Variants in ARAP2 observed in about 807,000 individuals in gnomAD.
ARAP2 encodes arf-GAP with Rho-GAP domain, ANK repeat and PH domain-containing protein 2.
Under a neutral mutation model 194.5 loss-of-function variants are expected in ARAP2, and 148 were observed. That is an observed-to-expected ratio of 0.76 (90% CI 0.67 to 0.87). The LOEUF (loss-of-function observed/expected upper bound fraction) is 0.87, where lower values mean the gene tolerates loss of function less well. Ranked by LOEUF, ARAP2 falls within the 40% of genes least tolerant of loss-of-function variation. The pLI is 0.00. For synonymous variants in ARAP2, 695 were observed against 683.5 expected (o/e 1.02, Z -0.26); for missense variants, 2,128 against 1,989.7 (o/e 1.07, Z -1.32).
At chr4:36,128,511 CA>C in intron 21 of ARAP2, 21 bp downstream of exon 21, 1 of 1,389,236 alleles carries the variant, frequency 7.2e-7, no homozygotes, top group East Asian at 2.3e-5. Flanking sequence ...CACATATCTA[CA>C]AATATCTGTA....
chr4:36,025,757 C>A (rs188680272), intron 5 of ARAP2, among the ~76,000 whole-genome samples: 2 of 151,094 alleles, frequency 1.3e-5, no homozygotes, highest in East Asian at 3.9e-4. Flanking sequence ...AATGGTATCA[C>A]GTAAAATGGT....
At chr4:36,079,457 A>G (rs1729015889) in intron 31 of ARAP2, among the ~76,000 whole-genome samples, 1 of 152,162 alleles carries the variant, frequency 6.6e-6, no homozygotes, top group African/African-American at 2.4e-5. Context: ...CCTCAGTAAT[A>G]AAGAATGGCA....
chr4:36,097,901 T>C lies in ARAP2; in HGVS notation c.4286-5881A>G, dbSNP rs10018858. On this transcript the variant is annotated intron_variant, in intron 27 of 32. Coordinates refer to ENST00000303965, the MANE Select transcript of ARAP2 (RefSeq NM_015230.4). ...AAAACTGCGGGTAACAAAACAAACA[T>C]GTATTGTAAGTTATACTGAGCTATC... Among the ~76,000 whole-genome samples, 519 of 152,118 alleles carry C rather than the reference T, an allele frequency of 3.4e-3. 4 individuals are homozygous for C. Among genetic ancestry groups the C allele is most frequent in the African/African-American group, 0.012 (491 of 41,530 alleles).
At chr4:36,021,613 C>T (rs1403490267) in intron 5 of ARAP2, among the ~76,000 whole-genome samples, 6 of 152,138 alleles carry the variant, frequency 3.9e-5, no homozygotes, top group Non-Finnish European at 8.8e-5. Context: ...AAGTGGATGC[C>T]GCTAGGCTTC....
At chr4:36,163,320 A>T (rs1734522115) in intron 11 of ARAP2, among the ~76,000 whole-genome samples, 1 of 152,178 alleles carries the variant, frequency 6.6e-6, no homozygotes, top group African/African-American at 2.4e-5. Context: ...CTGAGAGAGG[A>T]TGGATGTCAT....
At chr4:36,049,370 C>T (rs963587510) in intron 3 of ARAP2, among the ~76,000 whole-genome samples, 4 of 152,132 alleles carry the variant, frequency 2.6e-5, no homozygotes, top group Admixed American at 6.5e-5. Flanking sequence ...CAAAACTCTA[C>T]AGCAGGTGGC....
At chr4:36,161,441 C>CCATTCAG in intron 12 of ARAP2, 24 bp downstream of exon 12, 7 of 1,594,196 alleles carry the variant, frequency 4.4e-6, no homozygotes, top group Non-Finnish European at 6.0e-6. Flanking sequence ...TATCACAACC[C>CCATTCAG]CATTCAGGTT....
chr4:36,135,008 T>C (rs1305515099), intron 19 of ARAP2, among the ~76,000 whole-genome samples: 1 of 151,756 alleles, frequency 6.6e-6, no homozygotes, highest in Non-Finnish European at 1.5e-5. Flanking sequence ...AAAGAAAGTA[T>C]TTCAGTATCT....
At chr4:36,167,221 T>C (rs972402133) in intron 9 of ARAP2, among the ~76,000 whole-genome samples, 174 bp from the exon 10 acceptor site, 1 of 152,128 alleles carries the variant, frequency 6.6e-6, no homozygotes, top group African/African-American at 2.4e-5. Context: ...AGCTTGACAG[T>C]TGGACTATTG....
At position 36,018,467 on chromosome 4, in the gene ARAP2, C is replaced by T. The variant is rs900055693; in HGVS notation, n.750+677G>A. On this transcript the variant is annotated intron_variant and non_coding_transcript_variant, in intron 6 of 12. Coordinates refer to the ARAP2 transcript ENST00000503225. ...TATCTCAAAAAAAAAAAAAAAAACT[C>T]AGCTGAAATGTAAAATGTATGTTTA... is the stretch of plus-strand genomic sequence containing the variant. 4.1e-5 allele frequency among the ~76,000 whole-genome samples: 6 copies of T among 146,440 alleles called. 1 individual carries two copies. Among genetic ancestry groups the T allele is most frequent in the African/African-American group, 1.0e-4 (4 of 39,816 alleles).
intron 20 of ARAP2, among the ~76,000 whole-genome samples, chr4:36,130,041 A>C (rs977681604): frequency 3.3e-5 from 5 of 151,766 alleles, no homozygotes; most frequent in African/African-American, 1.2e-4. Context: ...CACATTAAAA[A>C]CAAAAAATGC....
chr4:36,099,642 ATCT>A (rs1203058190), intron 27 of ARAP2, among the ~76,000 whole-genome samples: 4 of 152,124 alleles, frequency 2.6e-5, no homozygotes, highest in Non-Finnish European at 5.9e-5. Context: ...GTAGACTTAA[ATCT>A]TCTTCAATCT....
chr4:36,014,334 G>GAA (rs984786464), intron 8 of ARAP2, among the ~76,000 whole-genome samples: 1 of 78,960 alleles, frequency 1.3e-5, no homozygotes, highest in African/African-American at 4.6e-5. Flanking sequence ...GAGAAAGAAA[G>GAA]AAAGAAAGAA....
intron 7 of ARAP2, among the ~76,000 whole-genome samples, chr4:36,193,038 C>T (rs1742288539): frequency 6.6e-6 from 1 of 152,106 alleles, no homozygotes; most frequent in Non-Finnish European, 1.5e-5. Flanking sequence ...AAATATTCAT[C>T]CAACCATCTT....
At chr4:36,105,027 G>C (rs1718004001) in intron 27 of ARAP2, among the ~76,000 whole-genome samples, 1 of 151,964 alleles carries the variant, frequency 6.6e-6, no homozygotes, top group African/African-American at 2.4e-5. Context: ...GTGGGTAAGA[G>C]AGTGACACAG....
At chr4:36,083,979 T>C (rs1730233244) in intron 28 of ARAP2, among the ~76,000 whole-genome samples, 1 of 152,170 alleles carries the variant, frequency 6.6e-6, no homozygotes, top group Admixed American at 6.6e-5. Flanking sequence ...CTGTGCTGGA[T>C]GCTTCCTGCC....
rs141332685 is a variant in ARAP2, at chr4:36,167,074, T to G, written c.1858-27A>C. The G allele has an allele frequency of 2.7e-4, 346 of 1,268,132 alleles. No homozygotes were observed. The African/African-American group carries it at 4.6e-3, about 17-fold the overall frequency. 78.6% of individuals were successfully genotyped at this position (1,268,132 alleles called of 1,614,324 possible). ...TAGTTTGGAGAAAAACATAAAAAAC[T>G]ATAAAGAAACAAAAAAAAAGATTTT... On this transcript the variant is annotated intron_variant, in intron 9 of 32. Coordinates refer to ENST00000303965, the MANE Select transcript of ARAP2 (RefSeq NM_015230.4).
At chr4:36,087,047 A>T (rs188389785) in intron 28 of ARAP2, among the ~76,000 whole-genome samples, 7 of 152,202 alleles carry the variant, frequency 4.6e-5, no homozygotes, top group Admixed American at 2.0e-4. Flanking sequence ...CTTTTAACTA[A>T]ATCATTTAAA....
intron 8 of ARAP2, among the ~76,000 whole-genome samples, chr4:36,185,660 T>G (rs1740364944): frequency 6.6e-6 from 1 of 152,000 alleles, no homozygotes; most frequent in South Asian, 2.1e-4. Context: ...CAACTGGTGG[T>G]GAACACTCTT....
Sources: gnomAD v4.1 joint callset for allele counts (sites outside exome capture counted in the v4.1 genomes callset) on GRCh38, gnomAD v4.1.1 for gene constraint, MANE v1.5 for transcripts, NCBI Gene and HGNC (gene_info 2026-07-23, HGNC 2026-07-21) for gene names.